MICAL2: variants seen among roughly 807,000 people sequenced by gnomAD.
MICAL2 encodes microtubule associated monooxygenase, calponin and LIM domain containing 2, also known as [F-actin]-monooxygenase MICAL2.
Under a neutral mutation model 127.3 loss-of-function variants are expected in MICAL2, and 77 were observed. The ratio of observed to expected loss-of-function variants is 0.60; its 90% CI spans 0.50 to 0.73. The LOEUF is 0.73. MICAL2 is among the 30% of genes least tolerant of loss of function. The pLI, the probability that MICAL2 is intolerant of heterozygous loss-of-function variation, is 0.00. For synonymous variants in MICAL2, 570 were observed against 551.1 expected (o/e 1.03, Z -0.48); for missense variants, 1,351 against 1,434.4 (o/e 0.94, Z 0.94).
chr11:12,218,333 G>T (rs1445922231), intron 8 of MICAL2, among the ~76,000 whole-genome samples: 1 of 152,096 alleles, frequency 6.6e-6, no homozygotes, highest in East Asian at 1.9e-4. Flanking sequence ...GTCCTCATCT[G>T]CTCCCTATGG....
chr11:12,274,851 G>A (rs1171423476), upstream of MICAL2, among the ~76,000 whole-genome samples: 2 of 152,046 alleles, frequency 1.3e-5, no homozygotes, highest in Non-Finnish European at 2.9e-5. Context: ...CAGAGGAGTG[G>A]CATGATCTCA....
At chr11:12,287,538 G>A (rs935533437), downstream of MICAL2, among the ~76,000 whole-genome samples, 1 of 152,056 alleles carries the variant, frequency 6.6e-6, no homozygotes, top group Non-Finnish European at 1.5e-5. Context: ...GAGTGAGACT[G>A]GGCCATCAGA....
chr11:12,250,877 A>G (rs767155793), intron 22 of MICAL2, among the ~76,000 whole-genome samples: 5 of 152,164 alleles, frequency 3.3e-5, no homozygotes, highest in Non-Finnish European at 7.3e-5. Context: ...CTTGCCATCA[A>G]TGCATGCTTC....
chr11:12,111,258 C>A (rs1048232215), intron 1 of MICAL2, among the ~76,000 whole-genome samples: 15 of 152,250 alleles, frequency 9.9e-5, no homozygotes, highest in Admixed American at 3.3e-4. Flanking sequence ...CGGGCTGGAG[C>A]CCAGTCGGGA....
chr11:12,270,223 C>A (rs1590715855), intron 24 of MICAL2, among the ~76,000 whole-genome samples: 1 of 152,188 alleles, frequency 6.6e-6, no homozygotes, highest in East Asian at 1.9e-4. Context: ...TATAAGAGGG[C>A]AGGGAGGCCA....
At chr11:12,159,452 C>T (rs1366854468) in intron 2 of MICAL2, among the ~76,000 whole-genome samples, 1 of 152,172 alleles carries the variant, frequency 6.6e-6, no homozygotes, top group Non-Finnish European at 1.5e-5. Flanking sequence ...GAGTGCCTGC[C>T]AGGACCTGGC....
upstream of MICAL2, among the ~76,000 whole-genome samples, chr11:12,273,017 C>T (rs975280048): frequency 6.6e-6 from 1 of 152,178 alleles, no homozygotes; most frequent in Non-Finnish European, 1.5e-5. Flanking sequence ...CAGCGTAAAG[C>T]GCAACTCTAG....
At chr11:12,182,384 G>C (rs1857583968) in intron 3 of MICAL2, among the ~76,000 whole-genome samples, 1 of 152,100 alleles carries the variant, frequency 6.6e-6, no homozygotes, top group Non-Finnish European at 1.5e-5. Context: ...TCAAATCTCT[G>C]CTCCTCTGCT....
chr11:12,307,383 T>G (rs1864124647), intron 29 of MICAL2, among the ~76,000 whole-genome samples: 1 of 152,218 alleles, frequency 6.6e-6, no homozygotes, highest in South Asian at 2.1e-4. Context: ...TGGATTGTTG[T>G]TTCATTTTCA....
At chr11:12,237,860 G>A (rs566302297) in intron 16 of MICAL2, among the ~76,000 whole-genome samples, 2 of 152,292 alleles carry the variant, frequency 1.3e-5, no homozygotes, top group South Asian at 4.1e-4. Flanking sequence ...GTGATTCGTG[G>A]ACCCGTTAAT....
chr11:12,198,366 T>A (rs955881914), intron 3 of MICAL2, among the ~76,000 whole-genome samples: 1 of 152,210 alleles, frequency 6.6e-6, no homozygotes, highest in Admixed American at 6.5e-5. Context: ...CCATCTCTCA[T>A]GAGTAAACCC....
At chr11:12,185,635 G>A (rs1199068865) in intron 3 of MICAL2, among the ~76,000 whole-genome samples, 1 of 152,122 alleles carries the variant, frequency 6.6e-6, no homozygotes, top group Non-Finnish European at 1.5e-5. Flanking sequence ...GTACCTAAAG[G>A]GGAGGAGAAT....
At chr11:12,290,221 G>T (rs1258565785), downstream of MICAL2, among the ~76,000 whole-genome samples, 4 of 152,210 alleles carry the variant, frequency 2.6e-5, no homozygotes, top group Admixed American at 2.6e-4. Flanking sequence ...CTTGAAGGCA[G>T]TGCATGAGGA....
chr11:12,309,546 T>C (rs1230538484), intron 29 of MICAL2, among the ~76,000 whole-genome samples: 1 of 152,186 alleles, frequency 6.6e-6, no homozygotes, highest in Non-Finnish European at 1.5e-5. Flanking sequence ...CCATTGTGTA[T>C]ATATATACCA....
At chr11:12,124,451 CA>C (rs34917088) in intron 1 of MICAL2, among the ~76,000 whole-genome samples, 1 of 152,138 alleles carries the variant, frequency 6.6e-6, no homozygotes, top group African/African-American at 2.4e-5. Flanking sequence ...AGTGCTTCAT[CA>C]AAAAGGACAT....
downstream of MICAL2, among the ~76,000 whole-genome samples, chr11:12,289,551 C>T (rs1590722732): frequency 8.6e-6 from 1 of 116,310 alleles, no homozygotes. Flanking sequence ...CACTGGGCAC[C>T]TCTTGTTTTT....
intron 32 of MICAL2, among the ~76,000 whole-genome samples, chr11:12,340,929 C>A (rs1938854483): frequency 6.6e-6 from 1 of 152,092 alleles, no homozygotes; most frequent in African/African-American, 2.4e-5. Context: ...CTCTGACTCC[C>A]AGAACAGAAT....
chr11:12,252,785 C>G (rs1493958), intron 22 of MICAL2: 24,386 of 152,196 alleles, frequency 0.16, 2,148 homozygotes, highest in South Asian at 0.31. Flanking sequence ...TTAGATGTGA[C>G]CTCCCAAGGG....
chr11:12,216,015 A>G (rs543295273), intron 7 of MICAL2, among the ~76,000 whole-genome samples: 1 of 152,230 alleles, frequency 6.6e-6, no homozygotes, highest in Non-Finnish European at 1.5e-5. Flanking sequence ...ATGCCGCTAT[A>G]GAACTATAGA....
Sources: allele counts gnomAD v4.1 joint callset (sites outside exome capture counted in the v4.1 genomes callset), GRCh38; gene constraint gnomAD v4.1.1; transcripts MANE v1.5; gene names NCBI Gene and HGNC (gene_info 2026-07-23, HGNC 2026-07-21).